The following PPFIA1 variants were observed in gnomAD, a reference collection of about 807,000 sequenced individuals.
PPFIA1 encodes the protein PPFI scaffold protein A1.
In PPFIA1, 25 loss-of-function variants were observed where a neutral mutation model predicts 149.9. That is an observed-to-expected ratio of 0.17 (90% CI 0.12 to 0.23). The LOEUF is 0.23. Among genes scored for constraint, PPFIA1 ranks in the 10% least tolerant of loss-of-function variants. PPFIA1 has a pLI of 1.00. For missense variants in PPFIA1, 1,362 were observed against 1,506.5 expected (o/e 0.90, Z 1.59); for synonymous variants, 549 against 552.8 (o/e 0.99, Z 0.10).
Position 70,348,259 on chromosome 11 carries a change from A to G in PPFIA1, c.2002A>G (p.Ser668Gly). 6.2e-7 allele frequency: 1 copy of G among 1,614,184 alleles called. No individual in the cohort carries two copies. The highest frequency in any genetic ancestry group is 8.5e-7 in the Non-Finnish European group (1 of 1,180,010). ...GATTGAAAGTCGAGTTGGCAGTGGA[A>G]GTCTAGACAATCTTGGTCGTTTTAG... ...EEIESRVGSG[S>G]LDNLGRFRSM... The change falls in exon 16 of 28, where the codon AGT (serine) becomes GGT (glycine). Residue 668 changes from serine to glycine, a missense_variant. By Grantham distance (56) the Ser-to-Gly change is moderately conservative. Transcript: ENST00000253925.
chr11:70,382,111 T>C lies in PPFIA1; in HGVS notation c.3574T>C (p.Leu1192=). Residue 1192 remains leucine, a synonymous_variant, in exon 27 of 28, where the codon TTG becomes CTG. Coordinates refer to ENST00000253925, the MANE Select transcript of PPFIA1 (RefSeq NM_003626.5). ...MDGNVSGTQR[L]DSATVRTYSC The stretch of plus-strand genomic sequence containing the variant: ...AGGCAATGTATCAGGAACACAGAGG[T>C]TGGATTCTGCTACAGTCAGGACTTA... The C allele has an allele frequency of 1.2e-6, 2 of 1,613,936 alleles. No individual in the cohort carries two copies. Among genetic ancestry groups the C allele is most frequent in the Non-Finnish European group, 1.7e-6 (2 of 1,179,968 alleles).
In PPFIA1 at chr11:70,326,297, A is replaced by T; in HGVS notation, c.642A>T (p.Lys214Asn). 1.2e-6 allele frequency: 2 copies of T among 1,608,404 alleles called. No homozygotes were observed. The highest frequency in any genetic ancestry group is 1.7e-6 in the Non-Finnish European group (2 of 1,176,642). ...TTAAAGAACAGAATAATCAGAAAAA[A>T]ACTCTAACAGATGGAGTGCTGGACA... ...MILKEQNNQK[K>N]TLTDGVLDIN... Residue 214 changes from lysine to asparagine, a missense_variant, in exon 6 of 28, where the codon AAA (lysine) becomes AAT (asparagine). By Grantham distance (94) the Lys-to-Asn change is moderately conservative (BLOSUM62 0). Transcript: ENST00000253925.
chr11:70,322,211 G>T (rs1172907355), intron 2 of PPFIA1, among the ~76,000 whole-genome samples: 1 of 152,192 alleles, frequency 6.6e-6, no homozygotes, highest in Admixed American at 6.5e-5. Flanking sequence ...GCTAGTTTGA[G>T]TCTGTTTGCT....
intron 2 of PPFIA1, among the ~76,000 whole-genome samples, chr11:70,279,994 T>TTCTGG (rs2050654922): frequency 6.6e-6 from 1 of 150,810 alleles, no homozygotes; most frequent in South Asian, 2.1e-4. Context: ...CTGCAGCATC[T>TTCTGG]GCCTTCTGGG....
At chr11:70,299,804 A>G (rs2052353255) in intron 2 of PPFIA1, among the ~76,000 whole-genome samples, 1 of 152,100 alleles carries the variant, frequency 6.6e-6, no homozygotes, top group African/African-American at 2.4e-5. Context: ...TTCTCGTCTC[A>G]GAGCCGGGAC....
chr11:70,371,479 GC>G (rs2057255125), intron 21 of PPFIA1: 1 of 160,604 alleles, frequency 6.2e-6, no homozygotes, highest in East Asian at 1.8e-4. Context: ...TTGTTGGGTG[GC>G]GTGTTCTATC....
chr11:70,327,612 A>C (rs1192373699), intron 7 of PPFIA1: 1 of 152,080 alleles, frequency 6.6e-6, no homozygotes, highest in Non-Finnish European at 1.5e-5. Flanking sequence ...TCTACTAAAA[A>C]ATACAAAAAA....
intron 21 of PPFIA1, chr11:70,367,546 T>C (rs2057006309): frequency 4.4e-6 from 2 of 455,986 alleles, no homozygotes; most frequent in Non-Finnish European, 8.8e-6. Context: ...AGTGGGTGTC[T>C]CTTCTAGTTC....
intron 15 of PPFIA1, among the ~76,000 whole-genome samples, chr11:70,344,268 T>C (rs3781645): frequency 0.22 from 33,202 of 152,052 alleles, 5,509 homozygotes; most frequent in African/African-American, 0.46. Flanking sequence ...TGGAGGAGGC[T>C]GATCGGCCTA....
chr11:70,353,188 C>A (rs1277186401), intron 16 of PPFIA1, among the ~76,000 whole-genome samples: 1 of 152,104 alleles, frequency 6.6e-6, no homozygotes, highest in African/African-American at 2.4e-5. Flanking sequence ...AGGATTGATA[C>A]ACTTTACACA....
intron 25 of PPFIA1, among the ~76,000 whole-genome samples, chr11:70,377,187 A>C (rs2057528463): frequency 6.6e-6 from 1 of 152,094 alleles, no homozygotes; most frequent in Non-Finnish European, 1.5e-5. Flanking sequence ...AATGGTTTTC[A>C]CATCATAAAA....
At chr11:70,302,058 G>A (rs917951535) in intron 2 of PPFIA1, among the ~76,000 whole-genome samples, 1 of 152,240 alleles carries the variant, frequency 6.6e-6, no homozygotes, top group South Asian at 2.1e-4. Flanking sequence ...GCAGTGAAGC[G>A]GTGGCTGTGC....
intron 21 of PPFIA1, among the ~76,000 whole-genome samples, chr11:70,369,273 G>T (rs1011913093): frequency 6.6e-6 from 1 of 151,906 alleles, no homozygotes. Flanking sequence ...TCTTCATATG[G>T]TGAGTTTCAT....
intron 27 of PPFIA1, 94 bp from the exon 28 acceptor site, chr11:70,382,909 C>T (rs1053587950): frequency 8.6e-6 from 3 of 349,078 alleles, no homozygotes; most frequent in African/African-American, 4.6e-5. Context: ...GGGTCAGTGT[C>T]GGGGGGACGT....
chr11:70,289,202 C>T (rs2051357586), intron 2 of PPFIA1, among the ~76,000 whole-genome samples: 1 of 151,834 alleles, frequency 6.6e-6, no homozygotes, highest in Non-Finnish European at 1.5e-5. Context: ...GAACTCCTGA[C>T]CTCAGAACTC....
At chr11:70,304,982 A>C (rs931759797) in intron 2 of PPFIA1, among the ~76,000 whole-genome samples, 5 of 152,146 alleles carry the variant, frequency 3.3e-5, no homozygotes, top group Admixed American at 3.3e-4. Context: ...TGTCACCTGC[A>C]TATATTTACT....
chr11:70,277,037 G>GATATATATATATAT (rs1287413641), intron 2 of PPFIA1, among the ~76,000 whole-genome samples: 1 of 79,194 alleles, frequency 1.3e-5, no homozygotes, highest in African/African-American at 8.9e-5. Flanking sequence ...GTTTGATTGA[G>GATATATATATATAT]ATATATATAT....
chr11:70,302,769 A>ATTT (rs55897136), intron 2 of PPFIA1, among the ~76,000 whole-genome samples: 1 of 127,968 alleles, frequency 7.8e-6, no homozygotes, highest in Non-Finnish European at 1.7e-5. Flanking sequence ...TCTCAACACC[A>ATTT]TTTTTTTTTT....
chr11:70,345,317 G>A (rs1248584463), intron 15 of PPFIA1, among the ~76,000 whole-genome samples: 1 of 149,958 alleles, frequency 6.7e-6, no homozygotes, highest in African/African-American at 2.4e-5. Context: ...GCGGCCCTGA[G>A]TTGTGGAGTG....
Sources: allele counts gnomAD v4.1 joint callset (sites outside exome capture counted in the v4.1 genomes callset), GRCh38; gene constraint gnomAD v4.1.1; transcripts MANE v1.5; gene names NCBI Gene and HGNC (gene_info 2026-07-23, HGNC 2026-07-21).